DDX10: variants seen among roughly 807,000 people sequenced by gnomAD.
DDX10 encodes DEAD-box helicase 10, also known as probable ATP-dependent RNA helicase DDX10.
DDX10 carries 74 observed loss-of-function variants against 104.3 expected under a neutral mutation model. The ratio of observed to expected loss-of-function variants is 0.71; its 90% CI spans 0.59 to 0.86. The LOEUF (loss-of-function observed/expected upper bound fraction) is 0.86, where lower values mean the gene tolerates loss of function less well. Ranked by LOEUF, DDX10 falls within the 40% of genes least tolerant of loss-of-function variation. DDX10 has a pLI of 0.00. For missense variants in DDX10, 952 were observed against 1,040.0 expected, an observed-to-expected ratio of 0.92 and a Z score of 1.16; for synonymous variants, 351 against 353.4, an observed-to-expected ratio of 0.99 and a Z score of 0.08.
At chr11:108,779,446 A>G (rs1032441481) in intron 13 of DDX10, among the ~76,000 whole-genome samples, 12 of 152,224 alleles carry the variant, frequency 7.9e-5, no homozygotes, top group African/African-American at 2.9e-4. Flanking sequence ...ACAGAAAACC[A>G]AACACCACAT....
At chr11:108,779,391 C>T (rs896744156) in intron 13 of DDX10, among the ~76,000 whole-genome samples, 7 of 152,156 alleles carry the variant, frequency 4.6e-5, no homozygotes, top group Non-Finnish European at 7.3e-5. Context: ...TTTGCAGGGA[C>T]ATGGATGAAG....
Position 108,718,313 on chromosome 11 carries a change from A to G in DDX10, c.1411-1484A>G, listed in dbSNP as rs146895050. 4.3e-4 allele frequency among the ~76,000 whole-genome samples: 65 copies of G among 152,328 alleles called. No homozygotes were observed. In the East Asian group the frequency reaches 0.012, roughly 28 times the overall value. ...GAGCATCAAATGGTAAGCTATACCA[A>G]GTTGGACTTCTATAAGCTCACTTTA... On this transcript the variant is annotated intron_variant, in intron 11 of 17. Transcript: ENST00000322536.
chr11:108,808,446 C>T (rs563226070), intron 13 of DDX10, among the ~76,000 whole-genome samples: 1 of 152,030 alleles, frequency 6.6e-6, no homozygotes, highest in Admixed American at 6.5e-5. Flanking sequence ...GATGATTAGA[C>T]ATAGTTTGGG....
intron 13 of DDX10, among the ~76,000 whole-genome samples, chr11:108,794,074 A>G (rs1230139283): frequency 6.6e-6 from 1 of 152,092 alleles, no homozygotes; most frequent in Non-Finnish European, 1.5e-5. Context: ...TCATCCATTC[A>G]TCCCTTGATG....
intron 16 of DDX10, among the ~76,000 whole-genome samples, chr11:108,912,682 T>C (rs1863695963): frequency 6.6e-6 from 1 of 152,192 alleles, no homozygotes; most frequent in Non-Finnish European, 1.5e-5. Flanking sequence ...ATAAAAAAGC[T>C]ACATACCCTC....
chr11:108,911,903 C>T (rs1456957143), intron 16 of DDX10, among the ~76,000 whole-genome samples: 3 of 152,056 alleles, frequency 2.0e-5, no homozygotes, highest in Non-Finnish European at 4.4e-5. Flanking sequence ...AACATTCAGA[C>T]CGTAGCATGT....
intron 13 of DDX10, among the ~76,000 whole-genome samples, chr11:108,741,492 T>C (rs2094325162): frequency 6.6e-6 from 1 of 152,302 alleles, no homozygotes; most frequent in Non-Finnish European, 1.5e-5. Context: ...GCCAGTGTTC[T>C]GTATTTCTCT....
intron 16 of DDX10, among the ~76,000 whole-genome samples, chr11:108,879,729 A>G (rs1485000552): frequency 6.6e-6 from 1 of 152,232 alleles, no homozygotes; most frequent in African/African-American, 2.4e-5. Context: ...TAGAAATAGA[A>G]TAAGAGTGCT....
At chr11:108,886,672 AC>A (rs1350011707) in intron 16 of DDX10, among the ~76,000 whole-genome samples, 1 of 152,230 alleles carries the variant, frequency 6.6e-6, no homozygotes, top group Non-Finnish European at 1.5e-5. Flanking sequence ...TTGGAATGAA[AC>A]AAATCAAAAC....
intron 13 of DDX10, among the ~76,000 whole-genome samples, chr11:108,788,755 T>C (rs1426881843): frequency 6.6e-6 from 1 of 152,224 alleles, no homozygotes; most frequent in African/African-American, 2.4e-5. Context: ...TAGGTGGTGC[T>C]TCAGAATGTT....
At chr11:108,880,131 C>T (rs909046308) in intron 16 of DDX10, among the ~76,000 whole-genome samples, 1 of 152,150 alleles carries the variant, frequency 6.6e-6, no homozygotes, top group Admixed American at 6.5e-5. Flanking sequence ...TTTTGTAAGC[C>T]AGAAGTCCAA....
intron 13 of DDX10, among the ~76,000 whole-genome samples, chr11:108,828,002 A>C (rs1216855298): frequency 6.6e-6 from 1 of 152,230 alleles, no homozygotes; most frequent in African/African-American, 2.4e-5. Context: ...ACATTGATGT[A>C]CAACCAATCT....
chr11:108,667,539 C>T (rs1446301183), intron 1 of DDX10, among the ~76,000 whole-genome samples: 1 of 152,202 alleles, frequency 6.6e-6, no homozygotes, highest in Admixed American at 6.5e-5. Flanking sequence ...TTCTTCATCC[C>T]TCTAAGTCTC....
intron 13 of DDX10, among the ~76,000 whole-genome samples, chr11:108,766,670 G>C (rs141077645): frequency 1.3e-5 from 2 of 152,174 alleles, no homozygotes; most frequent in East Asian, 3.9e-4. Flanking sequence ...AATGAATGTT[G>C]TGGTTTTTGA....
intron 10 of DDX10, among the ~76,000 whole-genome samples, chr11:108,713,447 C>T (rs2094287136): frequency 6.6e-6 from 1 of 152,044 alleles, no homozygotes; most frequent in Admixed American, 6.6e-5. Flanking sequence ...TAGTAATGAA[C>T]CCATCAAAGG....
chr11:108,763,489 G>A (rs1332237922), intron 13 of DDX10, among the ~76,000 whole-genome samples: 1 of 152,108 alleles, frequency 6.6e-6, no homozygotes, highest in African/African-American at 2.4e-5. Flanking sequence ...CCAGAGATGT[G>A]GGGGGATACT....
intron 16 of DDX10, among the ~76,000 whole-genome samples, chr11:108,862,827 G>A (rs950002846): frequency 1.3e-5 from 2 of 152,166 alleles, no homozygotes; most frequent in South Asian, 4.1e-4. Flanking sequence ...AGGACACTAA[G>A]AGCTATTGAA....
intron 13 of DDX10, among the ~76,000 whole-genome samples, chr11:108,755,571 A>G (rs1201440622): frequency 2.0e-5 from 3 of 152,030 alleles, no homozygotes; most frequent in Admixed American, 1.3e-4. Context: ...AGCCCTTTAT[A>G]GAAGAAAAAT....
At chr11:108,904,211 A>G (rs892279778) in intron 16 of DDX10, among the ~76,000 whole-genome samples, 2 of 152,162 alleles carry the variant, frequency 1.3e-5, no homozygotes, top group African/African-American at 4.8e-5. Context: ...GGTGGTTTCA[A>G]CAGAAGCGAC....
Sources: gnomAD v4.1 joint callset for allele counts (sites outside exome capture counted in the v4.1 genomes callset) on GRCh38, gnomAD v4.1.1 for gene constraint, MANE v1.5 for transcripts, NCBI Gene and HGNC (gene_info 2026-07-23, HGNC 2026-07-21) for gene names.